CDIN1: variants seen among roughly 807,000 people sequenced by gnomAD.
CDIN1 encodes CDAN1 interacting nuclease 1, also known as CDAN1-interacting nuclease 1.
Under a neutral mutation model 45.3 loss-of-function variants are expected in CDIN1, and 33 were observed. The observed-to-expected ratio is 0.73, with a 90% CI of 0.55 to 0.97. The LOEUF (loss-of-function observed/expected upper bound fraction) is 0.97. CDIN1 is among the 50% of genes least tolerant of loss of function. CDIN1 has a pLI of 0.00. For synonymous variants in CDIN1, 118 were observed against 124.4 expected (o/e 0.95, Z 0.34); for missense variants, 303 against 339.4 (o/e 0.89, Z 0.84).
intron 10 of CDIN1, among the ~76,000 whole-genome samples, chr15:36,762,024 A>G (rs930396139): frequency 1.3e-5 from 2 of 152,184 alleles, no homozygotes; most frequent in African/African-American, 4.8e-5. Flanking sequence ...TATTGCAGGC[A>G]GAATGTGGCA....
chr15:36,619,366 G>T, intron 1 of CDIN1: 1 of 399,230 alleles, frequency 2.5e-6, no homozygotes, highest in East Asian at 4.0e-5. Flanking sequence ...TAACCAGGAA[G>T]GAAACAGGAG....
At position 36,738,812 on chromosome 15, in the gene CDIN1, G is replaced by A. The variant is rs2044127443; in HGVS notation, c.716+28851G>A. Among the ~76,000 whole-genome samples, 3 of 152,166 alleles carry A rather than the reference G, an allele frequency of 2.0e-5. No homozygotes were observed. The South Asian group carries it at 6.2e-4, about 32-fold the overall frequency. ...TCCCTCTGTTTTGTTTGCCCCACTAGGATAAAAGTTTCACAAGGACAGGGA... is the reference window on the plus strand; with the variant it reads ...TCCCTCTGTTTTGTTTGCCCCACTAAGATAAAAGTTTCACAAGGACAGGGA... On this transcript the variant is annotated intron_variant, in intron 10 of 10. Coordinates refer to ENST00000566621, the MANE Select transcript of CDIN1 (RefSeq NM_001321759.2).
At chr15:36,614,290 G>A in intron 1 of CDIN1, 1 of 584,856 alleles carries the variant, frequency 1.7e-6, no homozygotes, top group Non-Finnish European at 3.3e-6. Flanking sequence ...TTAACTGAGG[G>A]CCGATCTTTA....
intron 10 of CDIN1, among the ~76,000 whole-genome samples, chr15:36,766,748 C>A (rs967241014): frequency 1.3e-4 from 20 of 152,256 alleles, no homozygotes; most frequent in African/African-American, 4.8e-4. Flanking sequence ...AACTCCTTTG[C>A]CCATTTTTAA....
chr15:36,669,339 G>A (rs2140526086), intron 5 of CDIN1, among the ~76,000 whole-genome samples: 1 of 152,182 alleles, frequency 6.6e-6, no homozygotes, highest in Admixed American at 6.5e-5. Flanking sequence ...AGGGGTTGAT[G>A]TTTTTAGTGG....
chr15:36,766,994 T>A (rs567533635), intron 10 of CDIN1, among the ~76,000 whole-genome samples: 18 of 152,292 alleles, frequency 1.2e-4, no homozygotes, highest in Admixed American at 7.8e-4. Flanking sequence ...TGGTGTCATG[T>A]CTAGGAAATC....
At chr15:36,693,135 A>C (rs1379703897) in intron 7 of CDIN1, among the ~76,000 whole-genome samples, 1 of 152,172 alleles carries the variant, frequency 6.6e-6, no homozygotes, top group Non-Finnish European at 1.5e-5. Context: ...GTATGTGTTT[A>C]TATTCCACCT....
intron 10 of CDIN1, among the ~76,000 whole-genome samples, chr15:36,801,182 C>G (rs2055033004): frequency 6.6e-6 from 1 of 151,490 alleles, no homozygotes; most frequent in South Asian, 2.1e-4. Flanking sequence ...CACTGAGAAT[C>G]CTTGTTTATG....
At position 36,654,083 on chromosome 15, in the gene CDIN1, C is replaced by T. The variant is rs1471761567; in HGVS notation, c.213-15C>T. The stretch of plus-strand genomic sequence containing the variant: ...TTCTTGTCACTGCATTACCACTTGG[C>T]TTTGTCTTGTCTAGGTACCTGAATG... On this transcript the variant is annotated splice_polypyrimidine_tract_variant and intron_variant, in intron 3 of 10. Coordinates refer to ENST00000566621, the MANE Select transcript of CDIN1 (RefSeq NM_001321759.2). 2 of 1,568,358 alleles carry T rather than the reference C, an allele frequency of 1.3e-6. No homozygotes were observed.
intron 1 of CDIN1, among the ~76,000 whole-genome samples, chr15:36,641,011 C>A (rs1270587590): frequency 1.3e-5 from 2 of 152,162 alleles, no homozygotes; most frequent in African/African-American, 4.8e-5. Context: ...GTGAGTCAGG[C>A]ACAGACAGAG....
intron 10 of CDIN1, among the ~76,000 whole-genome samples, chr15:36,751,129 A>G (rs1435264881): frequency 6.6e-6 from 1 of 150,700 alleles, no homozygotes; most frequent in Non-Finnish European, 1.5e-5. Context: ...AATATCCACA[A>G]AATGAATATT....
intron 5 of CDIN1, among the ~76,000 whole-genome samples, chr15:36,674,796 T>C (rs2041584827): frequency 6.6e-6 from 1 of 152,116 alleles, no homozygotes; most frequent in African/African-American, 2.4e-5. Flanking sequence ...TCCCAGTTTA[T>C]TGATTATCCA....
rs1202129658 is a variant in CDIN1, at chr15:36,701,098, GTAGATAGATAGATAGATAGGTAGGTAGA to G, written c.544+3728_544+3755del. Among the ~76,000 whole-genome samples, 178 of 143,260 alleles carry G rather than the reference GTAGATAGATAGATAGATAGGTAGGTAGA, an allele frequency of 1.2e-3. 1 individual carries two copies. The highest frequency in any genetic ancestry group is 4.3e-3 in the African/African-American group (164 of 37,938). 94.0% of individuals were successfully genotyped at this position (143,260 alleles called of 152,430 possible). On this transcript the variant is annotated intron_variant, in intron 8 of 10. Transcript: ENST00000566621. Reference sequence around the variant, plus strand: ...CTAAAATAGGTAGGTAGGTAGGTAGGTAGATAGATAGATAGATAGGTAGGTAGATAGATAGATAGATAGATAGATAGAT... The same window carrying G: ...CTAAAATAGGTAGGTAGGTAGGTAGGTAGATAGATAGATAGATAGATAGAT...
chr15:36,771,660 T>G (rs1409908155), intron 10 of CDIN1, among the ~76,000 whole-genome samples: 1 of 152,192 alleles, frequency 6.6e-6, no homozygotes, highest in Non-Finnish European at 1.5e-5. Flanking sequence ...AAGAAGACAG[T>G]GGCTCCCGCC....
At chr15:36,587,674 T>A (rs1460044441) in intron 1 of CDIN1, among the ~76,000 whole-genome samples, 1 of 152,208 alleles carries the variant, frequency 6.6e-6, no homozygotes, top group African/African-American at 2.4e-5. Context: ...ATGCCTGCTC[T>A]TTCCAGAGGG....
At chr15:36,689,111 C>T (rs943775295) in intron 5 of CDIN1, among the ~76,000 whole-genome samples, 2 of 152,188 alleles carry the variant, frequency 1.3e-5, no homozygotes, top group African/African-American at 2.4e-5. Context: ...GTTTATTCAA[C>T]ATATTCAGAC....
intron 10 of CDIN1, among the ~76,000 whole-genome samples, chr15:36,769,229 A>G (rs959326137): frequency 3.3e-5 from 5 of 152,182 alleles, no homozygotes; most frequent in African/African-American, 1.2e-4. Flanking sequence ...GTGTACATAT[A>G]TTGAGAGATT....
At chr15:36,692,731 G>A (rs1428324902) in intron 7 of CDIN1, among the ~76,000 whole-genome samples, 3 of 152,102 alleles carry the variant, frequency 2.0e-5, no homozygotes, top group Admixed American at 2.0e-4. Flanking sequence ...TTTCCTCCTG[G>A]AATACATTTA....
At chr15:36,750,493 T>C (rs2140968319) in intron 10 of CDIN1, among the ~76,000 whole-genome samples, 1 of 152,198 alleles carries the variant, frequency 6.6e-6, no homozygotes, top group East Asian at 1.9e-4. Flanking sequence ...ATTTACTATG[T>C]ACCAGGCATC....
Sources: allele counts gnomAD v4.1 joint callset (sites outside exome capture counted in the v4.1 genomes callset), GRCh38; gene constraint gnomAD v4.1.1; transcripts MANE v1.5; gene names NCBI Gene and HGNC (gene_info 2026-07-23, HGNC 2026-07-21).